The following AFF1 variants were observed in gnomAD, a reference collection of about 807,000 sequenced individuals.
AFF1 encodes AF4/FMR2 family member 1.
In AFF1, 48 loss-of-function variants were observed where a neutral mutation model predicts 121.7. That is an observed-to-expected ratio of 0.39 (90% CI 0.31 to 0.50). The LOEUF (loss-of-function observed/expected upper bound fraction) is 0.50, where lower values mean the gene tolerates loss of function less well. AFF1 is among the 20% of genes least tolerant of loss of function. The pLI, the probability that AFF1 is intolerant of heterozygous loss-of-function variation, is 0.76. For missense variants in AFF1, 1,523 were observed against 1,511.7 expected, an observed-to-expected ratio of 1.01 and a Z score of -0.12; for synonymous variants, 613 against 563.0, an observed-to-expected ratio of 1.09 and a Z score of -1.26.
At chr4:87,046,582 C>T (rs1730713472) in intron 3 of AFF1, 113 bp from the exon 4 acceptor site, 1 of 1,159,662 alleles carries the variant, frequency 8.6e-7, no homozygotes, top group East Asian at 2.4e-5. Context: ...TTAAATTCTA[C>T]ATGTCGTACA....
In AFF1 at chr4:87,034,121, G is replaced by T. The variant is rs376108089; in HGVS notation, c.39-12045G>T. On this transcript the variant is annotated intron_variant, in intron 2 of 20. Transcript: ENST00000395146. ...GGTGGCGGGGACTGGCTGAGGAGCC[G>T]ATAGTTATAACCTGAGATATTAGTG... 1.2e-4 allele frequency among the ~76,000 whole-genome samples: 18 copies of T among 152,276 alleles called. No individual in the cohort carries two copies. In the East Asian group the frequency reaches 2.3e-3, roughly 20 times the overall value.
chr4:87,034,644 A>G (rs775331084), intron 2 of AFF1, among the ~76,000 whole-genome samples: 13 of 152,232 alleles, frequency 8.5e-5, no homozygotes, highest in Admixed American at 6.5e-5. Context: ...ATTAATAAGT[A>G]TGGTAAACTG....
intron 2 of AFF1, chr4:86,974,034 A>C (rs17012226): frequency 6.6e-6 from 1 of 152,236 alleles, no homozygotes; most frequent in Non-Finnish European, 1.5e-5. Context: ...AGAAAACAGC[A>C]AAGTGTCACG....
chr4:87,056,226 C>T (rs901635743), intron 4 of AFF1, among the ~76,000 whole-genome samples: 9 of 152,120 alleles, frequency 5.9e-5, no homozygotes, highest in Admixed American at 1.3e-4. Flanking sequence ...ATTTCTAGCT[C>T]TGTCCTTTAG....
At chr4:86,981,855 C>A (rs1294640079) in intron 2 of AFF1, among the ~76,000 whole-genome samples, 1 of 152,222 alleles carries the variant, frequency 6.6e-6, no homozygotes, top group Non-Finnish European at 1.5e-5. Flanking sequence ...CCTCTTAAAG[C>A]CTGTTGGTGA....
intron 2 of AFF1, among the ~76,000 whole-genome samples, chr4:87,024,845 C>T (rs1035405879): frequency 2.0e-5 from 3 of 152,210 alleles, no homozygotes; most frequent in African/African-American, 7.2e-5. Context: ...CCACCCGCCT[C>T]GGCCTCCCAA....
chr4:87,127,923 C>T (rs980486486), intron 16 of AFF1, among the ~76,000 whole-genome samples: 4 of 152,124 alleles, frequency 2.6e-5, no homozygotes, highest in Admixed American at 6.5e-5. Context: ...GTAGGTGGTT[C>T]TTAGTGGTGG....
chr4:87,040,000 T>A (rs1287519042), intron 2 of AFF1, among the ~76,000 whole-genome samples: 3 of 152,084 alleles, frequency 2.0e-5, no homozygotes, highest in Non-Finnish European at 4.4e-5. Context: ...CTAGCGATTC[T>A]CCTGCCTCAG....
intron 2 of AFF1, among the ~76,000 whole-genome samples, chr4:86,972,932 T>A (rs1723045806): frequency 6.6e-6 from 1 of 152,216 alleles, no homozygotes; most frequent in Admixed American, 6.5e-5. Context: ...ACCCCCATTA[T>A]ATTTCTGTTG....
At chr4:87,038,701 C>G (rs1426896073) in intron 2 of AFF1, among the ~76,000 whole-genome samples, 2 of 152,194 alleles carry the variant, frequency 1.3e-5, no homozygotes, top group Non-Finnish European at 2.9e-5. Context: ...TTTGTACATT[C>G]AAATCAGAAT....
At position 87,046,700 on chromosome 4, in the gene AFF1, A is replaced by G. The variant is rs1222752989; in HGVS notation, c.165A>G (p.Ala55=). The G allele has an allele frequency of 2.5e-6, 4 of 1,599,802 alleles. No individual in the cohort carries two copies. The highest frequency in any genetic ancestry group is 3.4e-6 in the Non-Finnish European group (4 of 1,172,186). ...AAATTCTCCTTTTTTTTCAGACAGC[A>G]AAAGGTGATGAGCTGTCTAGTCGAA... ...IPLFGEPYKT[A]KGDELSSRIQ... is the part of the protein sequence containing the mutation. The change falls in exon 4 of 21, where the codon GCA becomes GCG. Residue 55 remains alanine, a synonymous_variant. Coordinates refer to ENST00000395146, the MANE Select transcript of AFF1 (RefSeq NM_001166693.3).
chr4:87,011,098 GAAAAA>G (rs1241955738), intron 2 of AFF1, among the ~76,000 whole-genome samples: 1 of 122,800 alleles, frequency 8.1e-6, no homozygotes, highest in Admixed American at 8.3e-5. Flanking sequence ...AAAAAAAAAA[GAAAAA>G]AAAAATCACC....
At chr4:87,119,478 G>A (rs1469761638) in intron 12 of AFF1, among the ~76,000 whole-genome samples, 5 of 152,158 alleles carry the variant, frequency 3.3e-5, no homozygotes, top group African/African-American at 9.7e-5. Flanking sequence ...AGCTGTGGTG[G>A]GAGGATCACT....
rs369880920 is a variant in AFF1 at position 87,117,177 on chromosome 4, A to G, written c.2466+1878A>G. Among the ~76,000 whole-genome samples, 74 of 152,346 alleles carry G rather than the reference A, an allele frequency of 4.9e-4. 1 individual carries two copies. The South Asian group carries it at 0.014, about 29-fold the overall frequency. ...AGAAGTGCAGCTTGTGGCTCTAGAAAGGGAAACTTTCAGCTCTCACTGTTG... is the reference window on the plus strand; with the variant it reads ...AGAAGTGCAGCTTGTGGCTCTAGAAGGGGAAACTTTCAGCTCTCACTGTTG... On this transcript the variant is annotated intron_variant, in intron 12 of 20. Coordinates refer to ENST00000395146, the MANE Select transcript of AFF1 (RefSeq NM_001166693.3).
At chr4:87,030,040 C>T (rs1336101135) in intron 2 of AFF1, among the ~76,000 whole-genome samples, 1 of 151,970 alleles carries the variant, frequency 6.6e-6, no homozygotes, top group Non-Finnish European at 1.5e-5. Context: ...GTCAAGAAGG[C>T]AGATAAGGAG....
At chr4:87,077,541 G>T (rs1317367203) in intron 4 of AFF1, among the ~76,000 whole-genome samples, 3 of 152,082 alleles carry the variant, frequency 2.0e-5, no homozygotes, top group East Asian at 1.9e-4. Context: ...GTTAAAAAAA[G>T]GATATACATT....
At chr4:86,943,220 A>C (rs148274796) in intron 1 of AFF1, among the ~76,000 whole-genome samples, 1 of 152,160 alleles carries the variant, frequency 6.6e-6, no homozygotes, top group East Asian at 1.9e-4. Context: ...GTATTCCTTT[A>C]TGGATTTCTG....
At chr4:87,127,177 C>CCCCCA in intron 15 of AFF1, 60 bp downstream of exon 15, 1 of 1,299,248 alleles carries the variant, frequency 7.7e-7, no homozygotes, top group Non-Finnish European at 1.1e-6. Context: ...CCCCCCCCCA[C>CCCCCA]CAAGATAGAG....
chr4:86,964,914 G>A (rs1298438320), intron 2 of AFF1, among the ~76,000 whole-genome samples: 1 of 152,062 alleles, frequency 6.6e-6, no homozygotes, highest in African/African-American at 2.4e-5. Context: ...TTATACCAAA[G>A]ACCTATTTAA....
Sources: allele counts gnomAD v4.1 joint callset (sites outside exome capture counted in the v4.1 genomes callset), GRCh38; gene constraint gnomAD v4.1.1; transcripts MANE v1.5; gene names NCBI Gene and HGNC (gene_info 2026-07-23, HGNC 2026-07-21).